Variants in ATG7 observed in about 807,000 individuals in gnomAD.
ATG7 encodes ubiquitin-like modifier-activating enzyme ATG7.
In ATG7, 70 loss-of-function variants were observed where a neutral mutation model predicts 82.4. The ratio of observed to expected loss-of-function variants is 0.85; its 90% CI spans 0.70 to 1.04. The LOEUF is 1.04. ATG7 is among the 50% of genes least tolerant of loss of function. The pLI is 0.00. For synonymous variants in ATG7, 287 were observed against 313.0 expected (o/e 0.92, Z 0.88); for missense variants, 792 against 864.3 (o/e 0.92, Z 1.05).
At chr3:11,562,269 T>C (rs1344373897), downstream of ATG7, among the ~76,000 whole-genome samples, 1 of 152,150 alleles carries the variant, frequency 6.6e-6, no homozygotes, top group African/African-American at 2.4e-5. Context: ...TCTTGGTGTT[T>C]GTCTGTCCTG....
At chr3:11,573,206 A>G in the ATG7 span, among the ~76,000 whole-genome samples, 5 of 149,744 alleles carry the variant, frequency 3.3e-5, no homozygotes, top group South Asian at 8.6e-4. Context: ...GAAAGAAAAG[A>G]AGAGAGAGAG....
intron 19 of ATG7, among the ~76,000 whole-genome samples, chr3:11,385,973 A>G (rs2078288820): frequency 6.6e-6 from 1 of 152,188 alleles, no homozygotes; most frequent in Admixed American, 6.5e-5. Flanking sequence ...TGCTGTTTTG[A>G]ATTTTACAAT....
At chr3:11,422,687 T>TA (rs994138219) in intron 19 of ATG7, among the ~76,000 whole-genome samples, 1 of 151,498 alleles carries the variant, frequency 6.6e-6, no homozygotes, top group Non-Finnish European at 1.5e-5. Flanking sequence ...AGCTTTTTTT[T>TA]AGCATGTCTC....
chr3:11,358,717 G>T, intron 15 of ATG7, 105 bp downstream of exon 15: 2 of 1,263,718 alleles, frequency 1.6e-6, no homozygotes. Flanking sequence ...TGGTTTGTGT[G>T]ACCTGGTAGC....
rs1029268518 is a variant in ATG7 at position 11,555,130 on chromosome 3, C to G, written c.*287C>G. 3 of 460,098 alleles carry G rather than the reference C, an allele frequency of 6.5e-6. No homozygotes were observed. The highest frequency in any genetic ancestry group is 6.0e-5 in the African/African-American group (3 of 49,658). The allele number at this position is 460,098 out of a possible 1,614,324, so 28.5% of individuals were successfully genotyped here. A position where few individuals can be genotyped will look rare whatever the true frequency, so the allele number is the denominator to read the frequency against. On this transcript the variant is annotated 3_prime_UTR_variant, in exon 21 of 21. Transcript: ENST00000693202. ...TATTTCTTGTCACAGTGACTGATAG[C>G]CATCCCCCAGGATCCTTTCCCCTTG...
At chr3:11,323,323 A>G (rs1184080890) in intron 9 of ATG7, among the ~76,000 whole-genome samples, 1 of 152,240 alleles carries the variant, frequency 6.6e-6, no homozygotes, top group East Asian at 1.9e-4. Context: ...TGTATGGGCC[A>G]ACTCCAGCAC....
chr3:11,547,764 A>G (rs2071415999), intron 20 of ATG7, among the ~76,000 whole-genome samples: 2 of 152,186 alleles, frequency 1.3e-5, no homozygotes, highest in Admixed American at 6.5e-5. Context: ...TTTCCTGATG[A>G]CTAATTATGT....
chr3:11,372,699 A>G (rs1466577853), intron 18 of ATG7, among the ~76,000 whole-genome samples: 2 of 150,990 alleles, frequency 1.3e-5, no homozygotes, highest in African/African-American at 2.4e-5. Flanking sequence ...GTACTAAGGG[A>G]AAAAAAATGT....
intron 11 of ATG7, 36 bp from the exon 12 acceptor site, chr3:11,340,609 C>T (rs771510930): frequency 1.9e-6 from 3 of 1,571,254 alleles, no homozygotes; most frequent in Non-Finnish European, 2.6e-6. Flanking sequence ...TTATTCTTCC[C>T]TCCTTCATTA....
rs1433156717 is a variant in ATG7, at chr3:11,332,346, T to TA, written c.768-625dup. Among the ~76,000 whole-genome samples, 4 of 152,258 alleles carry TA rather than the reference T, an allele frequency of 2.6e-5. No individual in the cohort carries two copies. The East Asian group carries it at 7.7e-4, about 29-fold the overall frequency. On this transcript the variant is annotated intron_variant, in intron 10 of 20. Transcript: ENST00000693202. Reference sequence around the variant, plus strand: ...AATAGGCAAAACCAATGTATGGACTTAGAGTAGTTGTTACTTTTGAAGGCA... The same window carrying TA: ...AATAGGCAAAACCAATGTATGGACTTAAGAGTAGTTGTTACTTTTGAAGGCA...
chr3:11,339,220 C>T, intron 11 of ATG7, among the ~76,000 whole-genome samples: 1 of 147,530 alleles, frequency 6.8e-6, no homozygotes, highest in African/African-American at 2.5e-5. Flanking sequence ...GGCGTGAACC[C>T]AGGAGGTGGA....
intron 20 of ATG7, among the ~76,000 whole-genome samples, chr3:11,527,238 G>A (rs2092605314): frequency 1.3e-5 from 2 of 151,966 alleles, no homozygotes; most frequent in African/African-American, 2.4e-5. Context: ...CTGAGTAGCT[G>A]GGATTGCAGG....
At chr3:11,373,162 C>G (rs970884544) in intron 18 of ATG7, among the ~76,000 whole-genome samples, 3 of 144,508 alleles carry the variant, frequency 2.1e-5, no homozygotes, top group Non-Finnish European at 4.6e-5. Context: ...GTGAGACTTA[C>G]GTTATGACTA....
chr3:11,309,720 C>T (rs953355706), intron 7 of ATG7, among the ~76,000 whole-genome samples: 3 of 152,030 alleles, frequency 2.0e-5, no homozygotes, highest in Non-Finnish European at 4.4e-5. Flanking sequence ...TACACAGGCA[C>T]GTGCACACAC....
chr3:11,296,493 A>C (rs1420626708), intron 3 of ATG7, among the ~76,000 whole-genome samples: 1 of 151,874 alleles, frequency 6.6e-6, no homozygotes, highest in East Asian at 1.9e-4. Flanking sequence ...GGTCTTCATA[A>C]ATTTTTGGGC....
At chr3:11,523,619 T>C (rs2092498716) in intron 20 of ATG7, among the ~76,000 whole-genome samples, 1 of 152,232 alleles carries the variant, frequency 6.6e-6, no homozygotes, top group Non-Finnish European at 1.5e-5. Flanking sequence ...ACGGTGTTGC[T>C]CTGGGCCTGA....
the ATG7 span, among the ~76,000 whole-genome samples, chr3:11,575,877 G>C: frequency 6.6e-6 from 1 of 152,192 alleles, no homozygotes; most frequent in Non-Finnish European, 1.5e-5. Context: ...ATGTGTGCAG[G>C]CTTTCCAGAC....
intron 20 of ATG7, among the ~76,000 whole-genome samples, chr3:11,526,663 G>T (rs1414434986): frequency 6.6e-6 from 1 of 152,176 alleles, no homozygotes; most frequent in Admixed American, 6.5e-5. Flanking sequence ...TTTCCACGTA[G>T]ACAGTGGTAT....
downstream of ATG7, chr3:11,558,474 GA>G: frequency 4.0e-6 from 5 of 1,238,902 alleles, no homozygotes; most frequent in African/African-American, 3.1e-5. Flanking sequence ...CCACCCCCAT[GA>G]TTTTTTTTTT....
Sources: gnomAD v4.1 joint callset for allele counts (sites outside exome capture counted in the v4.1 genomes callset) on GRCh38, gnomAD v4.1.1 for gene constraint, MANE v1.5 for transcripts, NCBI Gene and HGNC (gene_info 2026-07-23, HGNC 2026-07-21) for gene names.